The following IL31RA variants were observed in gnomAD, a reference collection of about 807,000 sequenced individuals.
IL31RA encodes interleukin-31 receptor subunit alpha.
IL31RA carries 66 observed loss-of-function variants against 83.7 expected under a neutral mutation model. The ratio of observed to expected loss-of-function variants is 0.79; its 90% CI spans 0.65 to 0.97. IL31RA has a LOEUF of 0.97. Among genes scored for constraint, IL31RA ranks in the 50% least tolerant of loss-of-function variants. The pLI is 0.00. For missense variants in IL31RA, 798 were observed against 919.4 expected (o/e 0.87, Z 1.71); for synonymous variants, 325 against 329.0 (o/e 0.99, Z 0.13).
At chr5:55,909,389 G>A (rs570860918) in intron 11 of IL31RA, among the ~76,000 whole-genome samples, 20 of 152,246 alleles carry the variant, frequency 1.3e-4, no homozygotes, top group African/African-American at 4.6e-4. Context: ...ACAAATATGT[G>A]TTTGAGTTTG....
At chr5:55,874,900 A>G (rs749482405) in intron 4 of IL31RA, among the ~76,000 whole-genome samples, 32 of 152,094 alleles carry the variant, frequency 2.1e-4, no homozygotes, top group Non-Finnish European at 4.0e-4. Context: ...CTTTTAGTAT[A>G]GTGTTGAATA....
chr5:55,863,429 G>A (rs1421452445), intron 2 of IL31RA, among the ~76,000 whole-genome samples: 1 of 152,210 alleles, frequency 6.6e-6, no homozygotes, highest in Non-Finnish European at 1.5e-5. Flanking sequence ...CAGGCTGGTG[G>A]GGCTCTGCTA....
In IL31RA at chr5:55,920,825, A is replaced by G. The variant is rs767242697; in HGVS notation, c.*3705A>G. Among the ~76,000 whole-genome samples the G allele has an allele frequency of 6.6e-6, 1 of 152,134 alleles. No homozygotes were observed. Among genetic ancestry groups the G allele is most frequent in the Non-Finnish European group, 1.5e-5 (1 of 67,994 alleles). Reference sequence around the variant, plus strand: ...TCCTAAATTCCTGTCCCCTTCCCATAGCTAAGGTCGAGAGTTGGTGGCTTA... The same window carrying G: ...TCCTAAATTCCTGTCCCCTTCCCATGGCTAAGGTCGAGAGTTGGTGGCTTA... On this transcript the variant is annotated 3_prime_UTR_variant, in exon 15 of 15. Coordinates refer to ENST00000652347, the MANE Select transcript of IL31RA (RefSeq NM_139017.7).
rs1278623300 is a variant in IL31RA at position 55,903,511 on chromosome 5, G to A, written c.1070-2595G>A. On this transcript the variant is annotated intron_variant, in intron 8 of 14. Coordinates refer to ENST00000652347, the MANE Select transcript of IL31RA (RefSeq NM_139017.7). This position sits in a 1 kb window ranked among gnomAD's most constrained non-coding sequence, Gnocchi z 4.7. ...ATGACTTGGAAATTCCCCTTTTGGCGCCCCTTGGTGTGGCCAGGCTTTCCC... is the reference window on the plus strand; with the variant it reads ...ATGACTTGGAAATTCCCCTTTTGGCACCCCTTGGTGTGGCCAGGCTTTCCC... Among the ~76,000 whole-genome samples, 3 of 152,112 alleles carry A rather than the reference G, an allele frequency of 2.0e-5. No individual in the cohort carries two copies. The highest frequency in any genetic ancestry group is 7.2e-5 in the African/African-American group (3 of 41,400).
At chr5:55,890,289 T>C (rs558757003) in intron 6 of IL31RA, among the ~76,000 whole-genome samples, 154 bp downstream of exon 6, 23 of 152,360 alleles carry the variant, frequency 1.5e-4, no homozygotes, top group African/African-American at 5.1e-4. Context: ...TGCACAACTT[T>C]GTGCCCCAAA....
intron 14 of IL31RA, among the ~76,000 whole-genome samples, chr5:55,915,533 G>C (rs765513334): frequency 6.6e-6 from 1 of 152,182 alleles, no homozygotes; most frequent in Non-Finnish European, 1.5e-5. Context: ...TGCTTACGTA[G>C]AAACAAGCCC....
intron 5 of IL31RA, among the ~76,000 whole-genome samples, chr5:55,883,952 A>T (rs2112444539): frequency 6.6e-6 from 1 of 152,340 alleles, no homozygotes; most frequent in East Asian, 1.9e-4. Context: ...TGTAGTTTAT[A>T]CATTTTCATT....
Position 55,870,557 on chromosome 5 carries a change from C to T in IL31RA, c.272+1649C>T, listed in dbSNP as rs564607371. Among the ~76,000 whole-genome samples the T allele has an allele frequency of 2.6e-5, 4 of 152,288 alleles. No homozygotes were observed. In the South Asian group the frequency reaches 6.2e-4, roughly 24 times the overall value. Reference sequence around the variant, plus strand: ...TCTTATAGAGACATTTCCCCTCTTCCTCCATCTTTCCCTTTGGGTTGTTAT... The same window carrying T: ...TCTTATAGAGACATTTCCCCTCTTCTTCCATCTTTCCCTTTGGGTTGTTAT... On this transcript the variant is annotated intron_variant, in intron 3 of 14. Transcript: ENST00000652347.
chr5:55,850,524 T>A (rs1419695317), upstream of IL31RA, among the ~76,000 whole-genome samples: 1 of 151,972 alleles, frequency 6.6e-6, no homozygotes, highest in Admixed American at 6.5e-5. Flanking sequence ...GGTACAACAT[T>A]TTTTCTTATT....
In IL31RA at chr5:55,922,802, A is replaced by G. The variant is rs1750152705; in HGVS notation, c.*5682A>G. The stretch of plus-strand genomic sequence containing the variant: ...TTTTCATGTAATACTATACTTCTAT[A>G]CTATTTTCATGTAATACTATACTTC... On this transcript the variant is annotated 3_prime_UTR_variant, in exon 15 of 15. Transcript: ENST00000652347. The G allele has an allele frequency of 5.1e-6, 1 of 197,660 alleles. No homozygotes were observed. Among genetic ancestry groups the G allele is most frequent in the African/African-American group, 2.3e-5 (1 of 42,908 alleles). The allele number at this position is 197,660 out of a possible 1,614,324, so 12.2% of individuals were successfully genotyped here. A position where few individuals can be genotyped will look rare whatever the true frequency, so the allele number is the denominator to read the frequency against.
At chr5:55,865,881 T>C (rs1420074649) in intron 2 of IL31RA, among the ~76,000 whole-genome samples, 1 of 152,192 alleles carries the variant, frequency 6.6e-6, no homozygotes, top group Non-Finnish European at 1.5e-5. Flanking sequence ...TCTGAATATA[T>C]GAGCAAGGCT....
chr5:55,867,206 TGTGC>T lies in IL31RA; in HGVS notation c.155-1583_155-1580del, dbSNP rs1186637450. Reference sequence around the variant, plus strand: ...ATGTGTGTTTGTGTGTGTTTGTGTGTGTGCGCATGTGTGTTTGTGTGTGTGTTTG... The same window carrying T: ...ATGTGTGTTTGTGTGTGTTTGTGTGTGCATGTGTGTTTGTGTGTGTGTTTG... On this transcript the variant is annotated intron_variant, in intron 2 of 14. Transcript: ENST00000652347. 1.1e-4 allele frequency among the ~76,000 whole-genome samples: 10 copies of T among 92,386 alleles called. 1 individual carries two copies. Among genetic ancestry groups the T allele is most frequent in the African/African-American group, 4.6e-4 (10 of 21,744 alleles). 60.6% of individuals were successfully genotyped at this position (92,386 alleles called of 152,430 possible). A position where few individuals can be genotyped will look rare whatever the true frequency, so the allele number is the denominator to read the frequency against.
intron 2 of IL31RA, among the ~76,000 whole-genome samples, chr5:55,861,639 C>T (rs765181875): frequency 6.6e-6 from 1 of 152,154 alleles, no homozygotes; most frequent in Non-Finnish European, 1.5e-5. Flanking sequence ...TACAGGCAGG[C>T]AGGACTATTG....
chr5:55,840,839 T>G, the IL31RA span, among the ~76,000 whole-genome samples: 1 of 152,208 alleles, frequency 6.6e-6, no homozygotes, highest in South Asian at 2.1e-4. Flanking sequence ...ATGCCTGTAT[T>G]TTTCTCATTG....
the IL31RA span, among the ~76,000 whole-genome samples, chr5:55,841,898 C>T: frequency 6.6e-6 from 1 of 151,810 alleles, no homozygotes; most frequent in Non-Finnish European, 1.5e-5. Flanking sequence ...AGCAGTGTTC[C>T]TTCTGGAGTC....
In IL31RA at chr5:55,900,063, A is replaced by G. The variant is rs558939244; in HGVS notation, c.1000A>G (p.Met334Val). 8.1e-6 allele frequency: 13 copies of G among 1,614,132 alleles called. No homozygotes were observed. The East Asian group carries it at 2.2e-4, about 28-fold the overall frequency. Residue 334 changes from methionine to valine, a missense_variant, in exon 8 of 15, where the codon ATG becomes GTG. Coordinates refer to ENST00000652347, the MANE Select transcript of IL31RA (RefSeq NM_139017.7). ...HLGGESFWVS[M>V]ISYNSLGKSP... ...GGGAGGCGAGAGCTTTTGGGTGTCT[A>G]TGATTTCTTATAATTCTCTTGGGAA... is the stretch of plus-strand genomic sequence containing the variant.
At chr5:55,910,743 G>A in intron 12 of IL31RA, 71 bp downstream of exon 12, 7 of 1,565,900 alleles carry the variant, frequency 4.5e-6, no homozygotes, top group Non-Finnish European at 6.2e-6. Context: ...AATGACATCT[G>A]CCAAAAGCTG....
chr5:55,913,193 C>G (rs749856507), intron 12 of IL31RA, among the ~76,000 whole-genome samples: 7 of 152,002 alleles, frequency 4.6e-5, no homozygotes, highest in Non-Finnish European at 8.8e-5. Context: ...CAGGTTCAAG[C>G]GATTCTTCTG....
chr5:55,910,511 AC>A lies in IL31RA; in HGVS notation c.1502-19del, dbSNP rs1749435539. On this transcript the variant is annotated intron_variant, in intron 11 of 14. Transcript: ENST00000652347. The stretch of plus-strand genomic sequence containing the variant: ...CAGTCTGGTTTGGCTGTGGTGTTTG[AC>A]CTTTGTATTTTTCCTTTAGCCAAGA... The A allele has an allele frequency of 1.2e-6, 2 of 1,613,646 alleles. No homozygotes were observed. Among genetic ancestry groups the A allele is most frequent in the South Asian group, 1.1e-5 (1 of 91,058 alleles).
Sources: allele counts gnomAD v4.1 joint callset (sites outside exome capture counted in the v4.1 genomes callset), GRCh38; gene constraint gnomAD v4.1.1; non-coding constraint Gnocchi (gnomAD v3.1); transcripts MANE v1.5; gene names NCBI Gene and HGNC (gene_info 2026-07-23, HGNC 2026-07-21).